TBC1D8: variants seen among roughly 807,000 people sequenced by gnomAD.
The protein encoded by TBC1D8 is BUB2-like protein 1.
A neutral mutation model predicts 118.8 loss-of-function variants in TBC1D8; 65 were observed. The ratio of observed to expected loss-of-function variants is 0.55; its 90% CI spans 0.45 to 0.67. TBC1D8 has a LOEUF of 0.67. Among genes scored for constraint, TBC1D8 ranks in the 30% least tolerant of loss-of-function variants. The probability of loss-of-function intolerance (pLI) is 0.00; values close to 1 mark genes in which losing one functional copy is unlikely to be tolerated. For synonymous variants in TBC1D8, 566 were observed against 595.8 expected (o/e 0.95, Z 0.73); for missense variants, 1,376 against 1,471.2 (o/e 0.94, Z 1.06).
intron 17 of TBC1D8, chr2:101,017,975 T>A: frequency 1.3e-6 from 2 of 1,532,292 alleles, no homozygotes; most frequent in Non-Finnish European, 1.8e-6. Context: ...TTATAGAGGA[T>A]TCGAACGGTT....
At chr2:101,129,989 CT>C (rs1336919857) in intron 1 of TBC1D8, among the ~76,000 whole-genome samples, 1 of 152,076 alleles carries the variant, frequency 6.6e-6, no homozygotes, top group East Asian at 1.9e-4. Context: ...GTCAGTGGAC[CT>C]TTTCCTGGGC....
At chr2:101,054,974 G>A (rs185509963) in intron 3 of TBC1D8, among the ~76,000 whole-genome samples, 3,082 of 151,674 alleles carry the variant, frequency 0.02, 38 homozygotes, top group Non-Finnish European at 0.03. Context: ...GAGCCACCAC[G>A]CCCGGCCACA....
chr2:101,134,604 G>A (rs1186772307), intron 1 of TBC1D8, among the ~76,000 whole-genome samples: 1 of 152,102 alleles, frequency 6.6e-6, no homozygotes, highest in African/African-American at 2.4e-5. Context: ...TCCTCACATG[G>A]CAGAGAGGGT....
At chr2:101,135,867 G>T (rs11695938) in intron 1 of TBC1D8, among the ~76,000 whole-genome samples, 19,809 of 152,172 alleles carry the variant, frequency 0.13, 1,447 homozygotes, top group East Asian at 0.28. Context: ...ACAGGTCTCA[G>T]GTTGAAATTT....
At chr2:101,049,555 C>T (rs1050585120) in intron 5 of TBC1D8, among the ~76,000 whole-genome samples, 5 of 151,786 alleles carry the variant, frequency 3.3e-5, no homozygotes, top group Non-Finnish European at 7.4e-5. Context: ...GGTTGAAACC[C>T]CGTCTCTACT....
chr2:101,143,077 T>TC (rs1553426432), intron 1 of TBC1D8, among the ~76,000 whole-genome samples: 1 of 151,230 alleles, frequency 6.6e-6, no homozygotes, highest in Non-Finnish European at 1.5e-5. Context: ...TTTTTTTTTT[T>TC]CTTGAGACAG....
rs189910300 is a variant in TBC1D8 at position 101,008,486 on chromosome 2, A to G, written c.3016-213T>C. ...GACTTGGAAATGGGTAGACCTTCCT[A>G]GAGGATGTGCACACCCTTTAACAAA... is the stretch of plus-strand genomic sequence containing the variant. On this transcript the variant is annotated intron_variant, in intron 19 of 19. Transcript: ENST00000409318. 2.8e-4 allele frequency among the ~76,000 whole-genome samples: 42 copies of G among 152,304 alleles called. 1 individual carries two copies. The East Asian group carries it at 7.3e-3, about 27-fold the overall frequency.
intron 1 of TBC1D8, among the ~76,000 whole-genome samples, chr2:101,120,895 G>C (rs1678067974): frequency 6.6e-6 from 1 of 152,136 alleles, no homozygotes; most frequent in Non-Finnish European, 1.5e-5. Flanking sequence ...ATGCCTGAGT[G>C]GGACAATGAC....
chr2:101,093,372 C>A (rs991295292), intron 1 of TBC1D8, among the ~76,000 whole-genome samples: 1 of 152,190 alleles, frequency 6.6e-6, no homozygotes, highest in African/African-American at 2.4e-5. Context: ...TACATACACA[C>A]ACACATATAC....
rs188288314 is a variant in TBC1D8, at chr2:101,100,073, C to T, written c.128-9709G>A. 1.7e-3 allele frequency among the ~76,000 whole-genome samples: 260 copies of T among 152,292 alleles called. 3 individuals are homozygous for T. Among genetic ancestry groups the T allele is most frequent in the East Asian group, 3.9e-3 (20 of 5,186 alleles). The stretch of plus-strand genomic sequence containing the variant: ...AATAGAAGAGAGGAAATCAAGTTGT[C>T]TCTGTTTACAGATGACACAATTTTA... On this transcript the variant is annotated intron_variant, in intron 1 of 19. Coordinates refer to ENST00000409318, the MANE Select transcript of TBC1D8 (RefSeq NM_001330348.2).
intron 11 of TBC1D8, among the ~76,000 whole-genome samples, chr2:101,031,167 C>T (rs886173795): frequency 7.2e-5 from 11 of 152,194 alleles, no homozygotes; most frequent in African/African-American, 1.9e-4. Context: ...TCAATGACGC[C>T]GAGCTTTTAA....
chr2:101,113,935 T>G (rs569739323), intron 1 of TBC1D8, among the ~76,000 whole-genome samples: 1 of 152,176 alleles, frequency 6.6e-6, no homozygotes, highest in South Asian at 2.1e-4. Flanking sequence ...CCAAGCTACA[T>G]GCATTTCAAG....
intron 1 of TBC1D8, among the ~76,000 whole-genome samples, chr2:101,117,568 C>CTTTT (rs201852112): frequency 5.8e-5 from 7 of 119,696 alleles, no homozygotes; most frequent in South Asian, 2.5e-4. Flanking sequence ...GGAGGCAGAA[C>CTTTT]TTTTTTTTTT....
intron 1 of TBC1D8, among the ~76,000 whole-genome samples, chr2:101,134,760 A>T (rs1450932845): frequency 6.6e-6 from 1 of 152,228 alleles, no homozygotes; most frequent in Non-Finnish European, 1.5e-5. Flanking sequence ...CAGCTTCAAC[A>T]CAGTAATTTA....
At chr2:101,099,583 C>T (rs1455671657) in intron 1 of TBC1D8, among the ~76,000 whole-genome samples, 1 of 152,170 alleles carries the variant, frequency 6.6e-6, no homozygotes, top group Non-Finnish European at 1.5e-5. Flanking sequence ...GACCAATATC[C>T]CTGATGAGCA....
chr2:101,098,602 C>T (rs1041935369), intron 1 of TBC1D8, among the ~76,000 whole-genome samples: 2 of 152,112 alleles, frequency 1.3e-5, no homozygotes, highest in African/African-American at 2.4e-5. Context: ...TAAAATTGAC[C>T]ACATAATTGG....
At chr2:101,077,161 C>A (rs1394347986) in intron 2 of TBC1D8, among the ~76,000 whole-genome samples, 1 of 151,454 alleles carries the variant, frequency 6.6e-6, no homozygotes, top group Non-Finnish European at 1.5e-5. Context: ...GTAGATGGGA[C>A]TACAGGTGCC....
intron 1 of TBC1D8, among the ~76,000 whole-genome samples, chr2:101,146,878 C>T (rs1334474046): frequency 6.6e-6 from 1 of 152,208 alleles, no homozygotes; most frequent in East Asian, 1.9e-4. Context: ...CTTCTCCCAT[C>T]CTGGTAACCA....
chr2:101,067,404 G>C (rs1204081035), intron 2 of TBC1D8, among the ~76,000 whole-genome samples: 1 of 152,116 alleles, frequency 6.6e-6, no homozygotes, highest in Non-Finnish European at 1.5e-5. Flanking sequence ...TTGAGATCAG[G>C]GACAGGCATA....
Sources: allele counts gnomAD v4.1 joint callset (sites outside exome capture counted in the v4.1 genomes callset), GRCh38; gene constraint gnomAD v4.1.1; transcripts MANE v1.5; gene names NCBI Gene and HGNC (gene_info 2026-07-23, HGNC 2026-07-21).